The following LRRC7 variants were observed in gnomAD, a reference collection of about 807,000 sequenced individuals.
LRRC7 encodes leucine rich repeat containing 7.
In LRRC7, 23 loss-of-function variants were observed where a neutral mutation model predicts 175.7. That is an observed-to-expected ratio of 0.13 (90% confidence interval 0.09 to 0.19). The LOEUF (loss-of-function observed/expected upper bound fraction) is 0.19, where lower values mean the gene tolerates loss of function less well. Ranked by LOEUF, LRRC7 falls within the 10% of genes least tolerant of loss-of-function variation. The pLI is 1.00. For missense variants in LRRC7, 1,354 were observed against 1,904.7 expected, an observed-to-expected ratio of 0.71 and a Z score of 5.38; for synonymous variants, 685 against 680.9, an observed-to-expected ratio of 1.01 and a Z score of -0.09.
Position 70,122,214 on chromosome 1 carries a change from T to C in LRRC7, c.*327T>C, listed in dbSNP as rs1558086991. Reference sequence around the variant, plus strand: ...TCGGAGCACGGAAGCACACACAAGCTCTTTATGAATTCTGCTCTCCATCAG... The same window carrying C: ...TCGGAGCACGGAAGCACACACAAGCCCTTTATGAATTCTGCTCTCCATCAG... On this transcript the variant is annotated 3_prime_UTR_variant, in exon 27 of 27. Coordinates refer to ENST00000651989, the MANE Select transcript of LRRC7 (RefSeq NM_001370785.2). The C allele has an allele frequency of 5.4e-6, 1 of 186,714 alleles. No individual in the cohort carries two copies. Among genetic ancestry groups the C allele is most frequent in the East Asian group, 1.6e-4 (1 of 6,388 alleles). 11.6% of individuals were successfully genotyped at this position (186,714 alleles called of 1,614,324 possible).
At chr1:70,004,932 G>T (rs531282428) in intron 11 of LRRC7, among the ~76,000 whole-genome samples, 4 of 152,030 alleles carry the variant, frequency 2.6e-5, no homozygotes, top group African/African-American at 4.8e-5. Flanking sequence ...TTGTGGAATA[G>T]AAGTCAGTTT....
rs188239483 is a variant in LRRC7 at position 69,789,776 on chromosome 1, T to C, written c.304-2267T>C. 8.5e-5 allele frequency among the ~76,000 whole-genome samples: 13 copies of C among 152,196 alleles called. No homozygotes were observed. In the East Asian group the frequency reaches 2.5e-3, roughly 29 times the overall value. Reference sequence around the variant, plus strand: ...TTGTGTATAGAAAGAAGAAACAGGTTGATACCAACATGGATCAGCCATGAT... The same window carrying C: ...TTGTGTATAGAAAGAAGAAACAGGTCGATACCAACATGGATCAGCCATGAT... On this transcript the variant is annotated intron_variant, in intron 3 of 26. Transcript: ENST00000651989.
chr1:70,092,346 A>G (rs1230646387), intron 25 of LRRC7, among the ~76,000 whole-genome samples: 1 of 152,166 alleles, frequency 6.6e-6, no homozygotes, highest in African/African-American at 2.4e-5. Context: ...CTAGTCATGC[A>G]AAAGTTTAAA....
intron 8 of LRRC7, among the ~76,000 whole-genome samples, chr1:69,942,062 G>A (rs573232893): frequency 1.3e-5 from 2 of 152,040 alleles, no homozygotes; most frequent in African/African-American, 2.4e-5. Context: ...CAAAGAACAG[G>A]TTTATGTCTC....
chr1:70,025,467 G>A (rs1357738618), intron 17 of LRRC7, among the ~76,000 whole-genome samples: 3 of 151,936 alleles, frequency 2.0e-5, no homozygotes, highest in Non-Finnish European at 4.4e-5. Flanking sequence ...ACAGAGTAGA[G>A]TCAAGATCAC....
In LRRC7 at chr1:70,090,236, C is replaced by G. The variant is rs542995398; in HGVS notation, c.4545+417C>G. Among the ~76,000 whole-genome samples, 17 of 152,242 alleles carry G rather than the reference C, an allele frequency of 1.1e-4. No individual in the cohort carries two copies. In the South Asian group the frequency reaches 3.3e-3, roughly 30 times the overall value. ...AGAATGATGACATAGTAATTCAATGCAAAGGCAAGCTGACTGCCATCTCTT... is the reference window on the plus strand; with the variant it reads ...AGAATGATGACATAGTAATTCAATGGAAAGGCAAGCTGACTGCCATCTCTT... On this transcript the variant is annotated intron_variant, in intron 25 of 26. Coordinates refer to ENST00000651989, the MANE Select transcript of LRRC7 (RefSeq NM_001370785.2).
chr1:69,853,383 A>C (rs1683218253), intron 7 of LRRC7, among the ~76,000 whole-genome samples: 1 of 143,718 alleles, frequency 7.0e-6, no homozygotes, highest in East Asian at 2.1e-4. Flanking sequence ...GGTTCAAGCG[A>C]TTCTCCTGCG....
At chr1:69,657,615 C>T (rs578190656) in intron 1 of LRRC7, among the ~76,000 whole-genome samples, 1 of 151,660 alleles carries the variant, frequency 6.6e-6, no homozygotes, top group Non-Finnish European at 1.5e-5. Flanking sequence ...TTAATTTACC[C>T]TATGATATTA....
At chr1:69,742,521 ATGTG>A (rs1668824761) in intron 2 of LRRC7, among the ~76,000 whole-genome samples, 5 of 151,634 alleles carry the variant, frequency 3.3e-5, no homozygotes, top group Admixed American at 3.3e-4. Context: ...ATGTGTGTGT[ATGTG>A]TGTGTCTTTT....
intron 8 of LRRC7, among the ~76,000 whole-genome samples, chr1:69,951,047 T>TGACAAA (rs1044082504): frequency 6.6e-6 from 1 of 151,324 alleles, no homozygotes; most frequent in African/African-American, 2.4e-5. Flanking sequence ...ACTATGCATC[T>TGACAAA]GACAAAGGTC....
chr1:69,796,708 C>T (rs983208362), intron 4 of LRRC7, among the ~76,000 whole-genome samples: 14 of 151,888 alleles, frequency 9.2e-5, no homozygotes, highest in African/African-American at 2.9e-4. Context: ...GCAGGAGAAT[C>T]GCTTGAACCT....
intron 1 of LRRC7, among the ~76,000 whole-genome samples, chr1:69,605,594 A>G (rs1391623578): frequency 6.6e-6 from 1 of 152,188 alleles, no homozygotes; most frequent in Non-Finnish European, 1.5e-5. Context: ...ATGGATAATC[A>G]TGATTGATGC....
chr1:70,028,074 T>C, intron 17 of LRRC7, 97 bp from the exon 18 acceptor site: 1 of 1,027,094 alleles, frequency 9.7e-7, no homozygotes, highest in South Asian at 1.5e-5. Context: ...CTCACTGTAT[T>C]GCATTTGATT....
At chr1:70,117,153 G>T (rs11810719) in intron 26 of LRRC7, among the ~76,000 whole-genome samples, 19,336 of 152,090 alleles carry the variant, frequency 0.13, 1,697 homozygotes, top group African/African-American at 0.24. Flanking sequence ...TCTCTAAGCT[G>T]ATTTCTTTTT....
chr1:69,617,345 C>T (rs77370809), intron 1 of LRRC7, among the ~76,000 whole-genome samples: 12 of 152,046 alleles, frequency 7.9e-5, no homozygotes, highest in Non-Finnish European at 1.5e-4. Context: ...GGAGGGACCA[C>T]ATCTGATTTG....
chr1:69,806,313 C>T (rs56328109), intron 4 of LRRC7, among the ~76,000 whole-genome samples: 2,946 of 151,842 alleles, frequency 0.019, 102 homozygotes, highest in African/African-American at 0.067. Context: ...AGAAAGAGAG[C>T]GAGAACAAGA....
intron 4 of LRRC7, among the ~76,000 whole-genome samples, chr1:69,822,408 T>C (rs564468586): frequency 3.2e-4 from 48 of 152,304 alleles, no homozygotes; most frequent in Middle Eastern, 3.4e-3. Flanking sequence ...GTTATGGTGG[T>C]CCACAGGTGA....
In LRRC7 at chr1:69,760,203, A is replaced by C; in HGVS notation, c.113A>C (p.Glu38Ala). ...TGCGTTTCTCTAGTGCAGTGCCTGG[A>C]GATGACCACCAAACGGAAAATCATC... ...KRPEEELQCLEMTTKRKIIGR... is the reference protein window; with the variant it reads ...KRPEEELQCLAMTTKRKIIGR... Residue 38 changes from glutamate (E) to alanine (A), a missense_variant, in exon 3 of 27, where the codon GAG becomes GCG. By Grantham distance (107) the Glu-to-Ala change is moderately radical. This residue lies in a region of LRRC7 where 68 missense variants were observed against 83.4 expected (regional missense o/e 0.82). Transcript: ENST00000651989. The C allele has an allele frequency of 6.2e-7, 1 of 1,612,720 alleles. No homozygotes were observed. The highest frequency in any genetic ancestry group is 8.5e-7 in the Non-Finnish European group (1 of 1,179,188).
At chr1:70,017,183 G>A (rs1657037837) in intron 14 of LRRC7, among the ~76,000 whole-genome samples, 1 of 151,396 alleles carries the variant, frequency 6.6e-6, no homozygotes, top group Admixed American at 6.6e-5. Flanking sequence ...GCTGAGGCAG[G>A]AGAATCGCTT....
Sources: allele counts gnomAD v4.1 joint callset (sites outside exome capture counted in the v4.1 genomes callset), GRCh38; gene constraint gnomAD v4.1.1; regional missense constraint gnomAD v4.1.1; transcripts MANE v1.5; gene names NCBI Gene and HGNC (gene_info 2026-07-23, HGNC 2026-07-21).